The following YY1AP1 variants were observed in gnomAD, a reference collection of about 807,000 sequenced individuals.
The protein encoded by YY1AP1 is YY1 associated protein 1, also known as YY1-associated protein 1.
Under a neutral mutation model 39.9 loss-of-function variants are expected in YY1AP1, and 43 were observed. The ratio of observed to expected loss-of-function variants is 1.08; its 90% confidence interval spans 0.84 to 1.39. The LOEUF (loss-of-function observed/expected upper bound fraction) is 1.39, where lower values mean the gene tolerates loss of function less well. YY1AP1 is among the 40% of genes most tolerant of loss of function. The probability of loss-of-function intolerance (pLI) is 0.00; values close to 1 mark genes in which losing one functional copy is unlikely to be tolerated. For missense variants in YY1AP1, 813 were observed against 900.7 expected (o/e 0.90, Z 1.25); for synonymous variants, 292 against 331.3 (o/e 0.88, Z 1.29).
intron 2 of YY1AP1, among the ~76,000 whole-genome samples, chr1:155,682,849 G>T (rs1208374157): frequency 6.6e-6 from 1 of 151,838 alleles, no homozygotes; most frequent in Non-Finnish European, 1.5e-5. Flanking sequence ...ACTTTGGGAG[G>T]CTGAGCCTGG....
At position 155,660,738 on chromosome 1, in the gene YY1AP1, T is replaced by G. The variant is rs1343497579; in HGVS notation, c.1172A>C (p.Lys391Thr). 3 of 1,614,194 alleles carry G rather than the reference T, an allele frequency of 1.9e-6. No individual in the cohort carries two copies. In the South Asian group the frequency reaches 3.3e-5, roughly 18 times the overall value. Reference sequence around the variant, plus strand: ...GAAACGGTCGGCAACTGGCTTCAGTTTCAGGACTACACCCTTAGGCAATAG... The same window carrying G: ...GAAACGGTCGGCAACTGGCTTCAGTGTCAGGACTACACCCTTAGGCAATAG... Reference protein sequence around the residue: ...PLLLPKGVVLKLKPVADRFPK... With the variant: ...PLLLPKGVVLTLKPVADRFPK... Residue 391 changes from lysine to threonine, a missense_variant, in exon 11 of 11, where the codon AAA (lysine) becomes ACA (threonine). Transcript: ENST00000355499.
intron 7 of YY1AP1, chr1:155,670,838 C>T: frequency 4.3e-6 from 1 of 230,440 alleles, no homozygotes; most frequent in Non-Finnish European, 8.6e-6. Context: ...CCACGCCTGG[C>T]TGATTTTTTG....
intron 6 of YY1AP1, among the ~76,000 whole-genome samples, chr1:155,673,665 T>C (rs2149049463): frequency 6.6e-6 from 1 of 152,196 alleles, no homozygotes; most frequent in Non-Finnish European, 1.5e-5. Flanking sequence ...TACCTCAGTC[T>C]CCCAAGTTGC....
At chr1:155,665,854 T>A in intron 9 of YY1AP1, among the ~76,000 whole-genome samples, 1 of 147,122 alleles carries the variant, frequency 6.8e-6, no homozygotes. Context: ...TAAGAGGATC[T>A]AACACAGTAT....
At chr1:155,670,673 GA>G (rs1649717364) in intron 7 of YY1AP1, 3 of 436,938 alleles carry the variant, frequency 6.9e-6, no homozygotes, top group South Asian at 2.7e-5. Context: ...AATAAAAGTT[GA>G]CTTTTTTTTT....
chr1:155,683,762 T>TA (rs5777951), intron 2 of YY1AP1, among the ~76,000 whole-genome samples: 39,762 of 152,102 alleles, frequency 0.26, 5,816 homozygotes, highest in East Asian at 0.69. Flanking sequence ...GTTCCAAGAC[T>TA]TAGGCTTCCC....
At chr1:155,662,216 C>T (rs559666971) in intron 9 of YY1AP1, among the ~76,000 whole-genome samples, 1 of 152,114 alleles carries the variant, frequency 6.6e-6, no homozygotes, top group South Asian at 2.1e-4. Flanking sequence ...ATAGGCTGGC[C>T]TTGGTGGCTC....
chr1:155,660,948 G>T, intron 10 of YY1AP1, 35 bp from the exon 11 acceptor site: 1 of 1,613,610 alleles, frequency 6.2e-7, no homozygotes, highest in East Asian at 2.2e-5. Flanking sequence ...TCCAGCACAT[G>T]TCAGAATTTG....
intron 10 of YY1AP1, 150 bp from the exon 11 acceptor site, chr1:155,661,063 A>G: frequency 3.4e-6 from 5 of 1,487,650 alleles, no homozygotes; most frequent in Non-Finnish European, 4.5e-6. Context: ...CAGTCCAATT[A>G]TACACTTTAG....
intron 4 of YY1AP1, among the ~76,000 whole-genome samples, chr1:155,678,173 G>C (rs1173565051): frequency 6.6e-6 from 1 of 152,142 alleles, no homozygotes; most frequent in African/African-American, 2.4e-5. Context: ...ACAGTATTCA[G>C]TACAGTACAG....
rs528957299 is a variant in YY1AP1 at position 155,662,182 on chromosome 1, G to A, written c.880-759C>T. On this transcript the variant is annotated intron_variant, in intron 9 of 10. Transcript: ENST00000355499. ...GAAGGGAAGGAAAAAAAAAAAGACC[G>A]AGGCAGTTCAGTTTTAAGAGTAAAT... 1.7e-4 allele frequency among the ~76,000 whole-genome samples: 26 copies of A among 152,090 alleles called. No individual in the cohort carries two copies. The South Asian group carries it at 4.2e-3, about 24-fold the overall frequency.
intron 2 of YY1AP1, among the ~76,000 whole-genome samples, chr1:155,685,548 G>A (rs1256763054): frequency 2.3e-4 from 35 of 152,158 alleles, no homozygotes; most frequent in Non-Finnish European, 5.9e-5. Flanking sequence ...ATACTTGTGC[G>A]ACATTAGCTT....
intron 4 of YY1AP1, chr1:155,679,189 T>G: frequency 1.3e-6 from 2 of 1,494,836 alleles, no homozygotes; most frequent in Non-Finnish European, 1.8e-6. Flanking sequence ...CCAGCTACTG[T>G]TTTTTCTCCC....
At chr1:155,688,937 G>A (rs1261884475), upstream of YY1AP1, 1 of 1,612,914 alleles carries the variant, frequency 6.2e-7, no homozygotes, top group Admixed American at 1.7e-5. Flanking sequence ...TACCTCCCTG[G>A]GTTCGTCGCC....
chr1:155,682,103 T>C (rs1397951436), intron 2 of YY1AP1, among the ~76,000 whole-genome samples: 1 of 152,204 alleles, frequency 6.6e-6, no homozygotes, highest in Non-Finnish European at 1.5e-5. Flanking sequence ...AATGAGAAAT[T>C]AGGAGGCAGC....
At chr1:155,674,150 G>A (rs1368829779) in intron 6 of YY1AP1, among the ~76,000 whole-genome samples, 6 of 116,136 alleles carry the variant, frequency 5.2e-5, no homozygotes, top group African/African-American at 2.3e-4. Context: ...GACAGAGCGA[G>A]ACTCCGTCTC....
intron 2 of YY1AP1, among the ~76,000 whole-genome samples, chr1:155,685,182 T>A (rs767324008): frequency 5.9e-5 from 9 of 152,140 alleles, no homozygotes; most frequent in Non-Finnish European, 1.0e-4. Context: ...CAGAATAAAA[T>A]AAACACTTTA....
Position 155,660,830 on chromosome 1 carries a change from C to G in YY1AP1, c.1080G>C (p.Glu360Asp). Reference sequence around the variant, plus strand: ...TTTCTAGGCCTTGATCTGAGTTGATCTCAGTGGTTCCAGTCATATTTCCTA... The same window carrying G: ...TTTCTAGGCCTTGATCTGAGTTGATGTCAGTGGTTCCAGTCATATTTCCTA... ...REVGNMTGTT[E>D]INSDQGLEKD... Residue 360 changes from glutamate to aspartate, a missense_variant, in exon 11 of 11, where the codon GAG becomes GAC. This residue lies in a region of YY1AP1 where 586 missense variants were observed against 647.4 expected (regional missense o/e 0.91). Coordinates refer to ENST00000355499, the MANE Select transcript of YY1AP1 (RefSeq NM_139119.3). 2 of 1,614,258 alleles carry G rather than the reference C, an allele frequency of 1.2e-6. No homozygotes were observed. The highest frequency in any genetic ancestry group is 2.7e-5 in the African/African-American group (2 of 75,068).
rs753873339 is a variant in YY1AP1 at position 155,660,654 on chromosome 1, G to A, written c.1256C>T (p.Pro419Leu). The A allele has an allele frequency of 6.2e-7, 1 of 1,614,182 alleles. No homozygotes were observed. The highest frequency in any genetic ancestry group is 1.1e-5 in the South Asian group (1 of 91,084). The change falls in exon 11 of 11, where the codon CCC (proline) becomes CTC (leucine). Residue 419 changes from proline (P) to leucine (L), a missense_variant. Pro to Leu is a moderately conservative substitution (Grantham distance 98). Coordinates refer to ENST00000355499, the MANE Select transcript of YY1AP1 (RefSeq NM_139119.3). ...GAAGCTGGGCTGGAGAGAGGGGCTG[G>A]GTTGGATAAGGAGGGGTTTCAGGAC... ...SSVLKPLLIQ[P>L]SPSLQPSFNP...
Sources: gnomAD v4.1 joint callset for allele counts (sites outside exome capture counted in the v4.1 genomes callset) on GRCh38, gnomAD v4.1.1 for gene constraint, gnomAD v4.1.1 regional missense constraint, MANE v1.5 for transcripts, NCBI Gene and HGNC (gene_info 2026-07-23, HGNC 2026-07-21) for gene names.